Variants in TMEM266 observed in about 807,000 individuals in gnomAD.
TMEM266 encodes the protein Hv1 related protein 1.
In TMEM266, 33 loss-of-function variants were observed where a neutral mutation model predicts 50.5. The ratio of observed to expected loss-of-function variants is 0.65; its 90% CI spans 0.50 to 0.87. The LOEUF (loss-of-function observed/expected upper bound fraction) is 0.87. Ranked by LOEUF, TMEM266 falls within the 40% of genes least tolerant of loss-of-function variation. TMEM266 has a pLI of 0.00. For synonymous variants in TMEM266, 310 were observed against 292.3 expected (o/e 1.06, Z -0.62); for missense variants, 655 against 695.1 (o/e 0.94, Z 0.65).
intron 1 of TMEM266, among the ~76,000 whole-genome samples, chr15:76,116,854 A>T (rs998229044): frequency 6.7e-6 from 1 of 148,304 alleles, no homozygotes; most frequent in Non-Finnish European, 1.5e-5. Context: ...AAAATCAGCC[A>T]TTTTGTTTGA....
Position 76,168,521 on chromosome 15 carries a change from G to A in TMEM266, c.457-1295G>A, listed in dbSNP as rs558941325. On this transcript the variant is annotated intron_variant, in intron 5 of 10. Transcript: ENST00000388942. This position sits in a 1 kb window ranked among gnomAD's most constrained non-coding sequence, Gnocchi z 4.4. ...TAAAGTCATCTTGGCTCAAGGAAGA[G>A]CCTGCAGACAAATGCACCGGCATCT... is the stretch of plus-strand genomic sequence containing the variant. 6.6e-6 allele frequency among the ~76,000 whole-genome samples: 1 copy of A among 152,318 alleles called. No homozygotes were observed. The highest frequency in any genetic ancestry group is 2.4e-5 in the African/African-American group (1 of 41,576).
intron 3 of TMEM266, among the ~76,000 whole-genome samples, chr15:76,150,563 A>G (rs2037823704): frequency 6.6e-6 from 1 of 152,180 alleles, no homozygotes; most frequent in South Asian, 2.1e-4. Flanking sequence ...CAGGAGATTC[A>G]GTGCAGTCAC....
Position 76,067,988 on chromosome 15 carries a change from A to G in TMEM266, c.-97+7972A>G, listed in dbSNP as rs150315959. ...CTAAGACAGCACTCGCAGGTGCTGC[A>G]TAAAGTAGGACTGACAAGGTACTTT... On this transcript the variant is annotated intron_variant, in intron 1 of 10. Transcript: ENST00000388942. 1.6e-3 allele frequency among the ~76,000 whole-genome samples: 251 copies of G among 152,346 alleles called. 1 individual carries two copies. The highest frequency in any genetic ancestry group is 5.8e-3 in the African/African-American group (243 of 41,592).
Position 76,192,074 on chromosome 15 carries a change from G to A in TMEM266, c.875G>A (p.Ser292Asn). 1.4e-6 allele frequency: 2 copies of A among 1,479,306 alleles called. No homozygotes were observed. Among genetic ancestry groups the A allele is most frequent in the Non-Finnish European group, 1.8e-6 (2 of 1,120,188 alleles). The allele number at this position is 1,479,306 out of a possible 1,614,324, so 91.6% of individuals were successfully genotyped here. ...CCGCACGTGCTCAGCCAGCCGCGCA[G>A]CCGCTTCAAAGTGTTGGAGGCCGGC... Residue 292 changes from serine (S) to asparagine (N), a missense_variant, in exon 9 of 11, where the codon AGC becomes AAC. This residue lies in a region of TMEM266 where 455 missense variants were observed against 401.8 expected (regional missense o/e 1.13). Coordinates refer to ENST00000388942, the MANE Select transcript of TMEM266 (RefSeq NM_152335.3).
At chr15:76,157,022 GA>G (rs1158395449) in intron 4 of TMEM266, among the ~76,000 whole-genome samples, 1 of 152,140 alleles carries the variant, frequency 6.6e-6, no homozygotes, top group African/African-American at 2.4e-5. Flanking sequence ...TCCATGATCA[GA>G]AACTGATGAG....
chr15:76,120,246 G>A (rs2037319830), intron 1 of TMEM266, among the ~76,000 whole-genome samples: 1 of 151,618 alleles, frequency 6.6e-6, no homozygotes, highest in Admixed American at 6.6e-5. Context: ...CGTATCAATG[G>A]GGCAATTTTT....
chr15:76,188,686 C>T (rs1192632981), intron 8 of TMEM266, among the ~76,000 whole-genome samples: 2 of 152,168 alleles, frequency 1.3e-5, no homozygotes, highest in African/African-American at 4.8e-5. Context: ...GAGTAACCAC[C>T]CCCAAGATTC....
At chr15:76,188,400 C>G (rs567365363) in intron 8 of TMEM266, among the ~76,000 whole-genome samples, 2 of 152,172 alleles carry the variant, frequency 1.3e-5, no homozygotes, top group South Asian at 2.1e-4. Flanking sequence ...GTCAGGAGTT[C>G]GAGACCAGCC....
chr15:76,082,964 G>A (rs2036717538), intron 1 of TMEM266, among the ~76,000 whole-genome samples: 1 of 147,026 alleles, frequency 6.8e-6, no homozygotes, highest in South Asian at 2.2e-4. Flanking sequence ...GCAAGACTCT[G>A]TCTAAAAACA....
chr15:76,176,888 C>T (rs1484807097), intron 8 of TMEM266, among the ~76,000 whole-genome samples: 4 of 152,172 alleles, frequency 2.6e-5, no homozygotes, highest in Non-Finnish European at 4.4e-5. Context: ...CCCGTCCTAT[C>T]GACCTCCTCT....
intron 3 of TMEM266, among the ~76,000 whole-genome samples, chr15:76,156,381 G>GA (rs200638252): frequency 3.6e-4 from 55 of 150,938 alleles, no homozygotes; most frequent in Non-Finnish European, 1.0e-4. Flanking sequence ...GAAAAGAAAA[G>GA]AAAAAAAAAG....
chr15:76,081,197 C>T (rs566346958), intron 1 of TMEM266, among the ~76,000 whole-genome samples: 7 of 152,344 alleles, frequency 4.6e-5, no homozygotes, highest in African/African-American at 1.7e-4. Flanking sequence ...CACAAGAAGG[C>T]AAGTCTCCGT....
At chr15:76,179,387 A>G (rs1333133608) in intron 8 of TMEM266, among the ~76,000 whole-genome samples, 1 of 152,184 alleles carries the variant, frequency 6.6e-6, no homozygotes, top group Non-Finnish European at 1.5e-5. Context: ...CCTGCCCCAC[A>G]CACCCATTTT....
At chr15:76,071,199 A>G (rs146135263) in intron 1 of TMEM266, among the ~76,000 whole-genome samples, 1 of 152,276 alleles carries the variant, frequency 6.6e-6, no homozygotes, top group African/African-American at 2.4e-5. Context: ...TTACAAAATT[A>G]AGAAGTACCT....
chr15:76,152,922 G>A (rs1376522830), intron 3 of TMEM266, among the ~76,000 whole-genome samples: 1 of 152,062 alleles, frequency 6.6e-6, no homozygotes, highest in Non-Finnish European at 1.5e-5. Flanking sequence ...GGTGGGGGCG[G>A]CGTTCATTTG....
chr15:76,089,434 C>T (rs1274600048), intron 1 of TMEM266, among the ~76,000 whole-genome samples: 1 of 151,928 alleles, frequency 6.6e-6, no homozygotes, highest in African/African-American at 2.4e-5. Context: ...ACCTTGTGAT[C>T]TGCCCGCCTC....
intron 1 of TMEM266, among the ~76,000 whole-genome samples, chr15:76,100,108 C>T (rs1418637723): frequency 6.6e-6 from 1 of 152,090 alleles, no homozygotes; most frequent in Non-Finnish European, 1.5e-5. Context: ...GGTGGGGACA[C>T]AGAGGGAAAC....
intron 2 of TMEM266, among the ~76,000 whole-genome samples, chr15:76,137,151 G>A (rs1398020616): frequency 1.3e-5 from 2 of 152,120 alleles, no homozygotes; most frequent in Non-Finnish European, 2.9e-5. Context: ...GGGACAGCTG[G>A]AGCCTCCTGT....
intron 5 of TMEM266, among the ~76,000 whole-genome samples, chr15:76,167,662 C>T (rs796488396): frequency 3.3e-5 from 5 of 151,796 alleles, no homozygotes; most frequent in Admixed American, 6.6e-5. Context: ...CCACCACACC[C>T]GGCTAATGAT....
Sources: allele counts gnomAD v4.1 joint callset (sites outside exome capture counted in the v4.1 genomes callset), GRCh38; gene constraint gnomAD v4.1.1; regional missense constraint gnomAD v4.1.1; non-coding constraint Gnocchi (gnomAD v3.1); transcripts MANE v1.5; gene names NCBI Gene and HGNC (gene_info 2026-07-23, HGNC 2026-07-21).